GRM7: variants seen among roughly 807,000 people sequenced by gnomAD.
GRM7 encodes glutamate metabotropic receptor 7.
A neutral mutation model predicts 84.5 loss-of-function variants in GRM7; 35 were observed. The ratio of observed to expected loss-of-function variants is 0.41; its 90% CI spans 0.32 to 0.55. GRM7 has a LOEUF of 0.55. GRM7 is among the 20% of genes least tolerant of loss of function. GRM7 has a pLI of 0.19. For missense variants in GRM7, 1,003 were observed against 1,194.6 expected (o/e 0.84, Z 2.36); for synonymous variants, 487 against 455.1 (o/e 1.07, Z -0.89).
intron 4 of GRM7, among the ~76,000 whole-genome samples, chr3:7,329,353 C>T (rs757542725): frequency 3.9e-5 from 6 of 152,282 alleles, no homozygotes; most frequent in Non-Finnish European, 8.8e-5. Context: ...TTGGTTCACC[C>T]TTCCACCCAC....
rs532807156 is a variant in GRM7, at chr3:6,965,527, G to T, written c.519+103620G>T. On this transcript the variant is annotated intron_variant, in intron 1 of 9. Coordinates refer to ENST00000357716, the MANE Select transcript of GRM7 (RefSeq NM_000844.4). ...TGTTTTTATTTTTGTAGAGATGGGGGTCTCACTATGTTGCCCAGGCTGGTC... is the reference window on the plus strand; with the variant it reads ...TGTTTTTATTTTTGTAGAGATGGGGTTCTCACTATGTTGCCCAGGCTGGTC... 3.3e-5 allele frequency among the ~76,000 whole-genome samples: 5 copies of T among 151,814 alleles called. No individual in the cohort carries two copies. The East Asian group carries it at 9.7e-4, about 30-fold the overall frequency.
At chr3:7,285,490 T>C (rs1401955638) in intron 2 of GRM7, among the ~76,000 whole-genome samples, 3 of 152,134 alleles carry the variant, frequency 2.0e-5, no homozygotes, top group African/African-American at 4.8e-5. Flanking sequence ...CCCAAATTAG[T>C]GTGCCTTCTC....
chr3:7,070,198 T>C (rs1264975343), intron 1 of GRM7, among the ~76,000 whole-genome samples: 3 of 152,136 alleles, frequency 2.0e-5, no homozygotes, highest in Non-Finnish European at 1.5e-5. Flanking sequence ...TTTAATGAAA[T>C]GTATAATTAT....
At chr3:7,222,594 T>G (rs1452080973) in intron 2 of GRM7, among the ~76,000 whole-genome samples, 1 of 152,180 alleles carries the variant, frequency 6.6e-6, no homozygotes, top group African/African-American at 2.4e-5. Context: ...TTCAGCCTTG[T>G]GCAATCCCTC....
intron 1 of GRM7, among the ~76,000 whole-genome samples, chr3:7,037,686 T>C (rs1239673320): frequency 6.6e-6 from 1 of 152,238 alleles, no homozygotes; most frequent in Non-Finnish European, 1.5e-5. Context: ...GATTTGATAG[T>C]GTGCTGAATG....
At chr3:7,703,546 T>A (rs959339255) in intron 9 of GRM7, among the ~76,000 whole-genome samples, 2 of 152,134 alleles carry the variant, frequency 1.3e-5, no homozygotes, top group Non-Finnish European at 2.9e-5. Flanking sequence ...ACAGGGGATC[T>A]TAGGGTTATT....
chr3:7,341,520 T>C (rs1245000655), intron 4 of GRM7, among the ~76,000 whole-genome samples: 1 of 152,108 alleles, frequency 6.6e-6, no homozygotes, highest in Non-Finnish European at 1.5e-5. Flanking sequence ...TCAGTACCAC[T>C]GAGAAAATTG....
At chr3:7,570,466 CA>C (rs1447762793) in intron 7 of GRM7, among the ~76,000 whole-genome samples, 1 of 152,142 alleles carries the variant, frequency 6.6e-6, no homozygotes, top group Non-Finnish European at 1.5e-5. Context: ...CATGCAAGTC[CA>C]AAATCCAGCA....
chr3:7,202,110 A>C (rs2125114572), intron 2 of GRM7, among the ~76,000 whole-genome samples: 1 of 152,180 alleles, frequency 6.6e-6, no homozygotes, highest in East Asian at 1.9e-4. Flanking sequence ...TGGCTAGCCA[A>C]AAAAGTCTAT....
At chr3:7,625,671 G>C (rs964884976) in intron 8 of GRM7, among the ~76,000 whole-genome samples, 4 of 152,172 alleles carry the variant, frequency 2.6e-5, no homozygotes, top group Non-Finnish European at 4.4e-5. Context: ...CTGCCTCTAA[G>C]ATAAGTAAAT....
At chr3:7,456,065 C>T (rs527955840) in intron 6 of GRM7, among the ~76,000 whole-genome samples, 8 of 151,924 alleles carry the variant, frequency 5.3e-5, no homozygotes, top group Admixed American at 5.3e-4. Flanking sequence ...TGCAGAATTT[C>T]CTAATACTTG....
At chr3:7,519,680 A>G (rs1700520449) in intron 7 of GRM7, 1 of 152,218 alleles carries the variant, frequency 6.6e-6, no homozygotes, top group African/African-American at 2.4e-5. Context: ...TCTCAGTAAC[A>G]GTTACCTTTA....
At chr3:7,143,658 C>T (rs564264844) in intron 1 of GRM7, among the ~76,000 whole-genome samples, 1 of 152,206 alleles carries the variant, frequency 6.6e-6, no homozygotes, top group African/African-American at 2.4e-5. Flanking sequence ...TGCATTGGGG[C>T]ACTTCACAAT....
chr3:7,686,959 T>C (rs1700610488), intron 9 of GRM7, among the ~76,000 whole-genome samples: 1 of 152,208 alleles, frequency 6.6e-6, no homozygotes, highest in African/African-American at 2.4e-5. Context: ...ACAAATGGCC[T>C]TTCCATCTGT....
chr3:7,232,656 TATC>T (rs1697231282), intron 2 of GRM7, among the ~76,000 whole-genome samples: 1 of 152,202 alleles, frequency 6.6e-6, no homozygotes. Context: ...TTTGGGACAT[TATC>T]ATGTGTCAAG....
At chr3:7,277,807 C>T (rs375098046) in intron 2 of GRM7, among the ~76,000 whole-genome samples, 2 of 152,094 alleles carry the variant, frequency 1.3e-5, no homozygotes, top group East Asian at 1.9e-4. Flanking sequence ...GAAAAATAAA[C>T]AGGAAAGTGT....
At chr3:7,135,652 A>G (rs4263281) in intron 1 of GRM7, among the ~76,000 whole-genome samples, 4,346 of 152,194 alleles carry the variant, frequency 0.029, 161 homozygotes, top group African/African-American at 0.087. Flanking sequence ...TTTATAATAC[A>G]AAGCAGAATA....
intron 2 of GRM7, among the ~76,000 whole-genome samples, chr3:7,202,743 C>T (rs1053515100): frequency 1.5e-4 from 23 of 152,242 alleles, no homozygotes; most frequent in African/African-American, 4.8e-4. Flanking sequence ...CAAACATGTC[C>T]TAGATCTTCG....
chr3:6,941,793 G>T (rs1005905253), intron 1 of GRM7, among the ~76,000 whole-genome samples: 3 of 152,026 alleles, frequency 2.0e-5, no homozygotes, highest in Admixed American at 6.6e-5. Context: ...TGAGGCATTT[G>T]TTGGTGTGGT....
Sources: gnomAD v4.1 joint callset for allele counts (sites outside exome capture counted in the v4.1 genomes callset) on GRCh38, gnomAD v4.1.1 for gene constraint, MANE v1.5 for transcripts, NCBI Gene and HGNC (gene_info 2026-07-23, HGNC 2026-07-21) for gene names.